Variants in DIP2B observed in about 807,000 individuals in gnomAD.
DIP2B encodes disco-interacting protein 2 homolog B.
In DIP2B, 76 loss-of-function variants were observed where a neutral mutation model predicts 198.0. That is an observed-to-expected ratio of 0.38 (90% CI 0.32 to 0.46). The LOEUF is 0.46. Ranked by LOEUF, DIP2B falls within the 20% of genes least tolerant of loss-of-function variation. The pLI, the probability that DIP2B is intolerant of heterozygous loss-of-function variation, is 0.99. For synonymous variants in DIP2B, 701 were observed against 739.1 expected, an observed-to-expected ratio of 0.95 and a Z score of 0.84; for missense variants, 1,559 against 1,978.4, an observed-to-expected ratio of 0.79 and a Z score of 4.02.
At chr12:50,543,968 G>A (rs1398932476) in intron 1 of DIP2B, among the ~76,000 whole-genome samples, 1 of 142,726 alleles carries the variant, frequency 7.0e-6, no homozygotes, top group Non-Finnish European at 1.5e-5. Flanking sequence ...GGTGGCTCAC[G>A]CTTGTAATTC....
chr12:50,515,039 C>G (rs1339260128), intron 1 of DIP2B, among the ~76,000 whole-genome samples: 1 of 152,092 alleles, frequency 6.6e-6, no homozygotes, highest in Non-Finnish European at 1.5e-5. Flanking sequence ...CTGGCCCTCT[C>G]TCCCTCTCTC....
chr12:50,623,171 C>G (rs1343629573), intron 1 of DIP2B, among the ~76,000 whole-genome samples: 5 of 151,740 alleles, frequency 3.3e-5, no homozygotes, highest in Non-Finnish European at 7.4e-5. Context: ...ATTGCTTGAG[C>G]CCAGGAGTTC....
chr12:50,642,131 A>G (rs2139488371), intron 3 of DIP2B, among the ~76,000 whole-genome samples: 1 of 152,288 alleles, frequency 6.6e-6, no homozygotes, highest in East Asian at 1.9e-4. Context: ...CAGTCGGGAA[A>G]AAAAAAATAG....
rs375356175 is a variant in DIP2B at position 50,721,300 on chromosome 12, C to T, written c.3070C>T (p.Leu1024Phe). The change falls in exon 26 of 38, where the codon CTT (leucine) becomes TTT (phenylalanine). Residue 1024 changes from leucine to phenylalanine, a missense_variant. Physicochemically the swap from Leu to Phe is conservative, Grantham distance 22 (BLOSUM62 0). Transcript: ENST00000301180. Reference sequence around the variant, plus strand: ...AACCACTGTATGCACAGCCAGCTGCCTTCAGCTTCATAAGCGAGCAGAGAG... The same window carrying T: ...AACCACTGTATGCACAGCCAGCTGCTTTCAGCTTCATAAGCGAGCAGAGAG... ...KGTTVCTASCLQLHKRAERIA... is the reference protein window; with the variant it reads ...KGTTVCTASCFQLHKRAERIA... 33 of 1,614,150 alleles carry T rather than the reference C, an allele frequency of 2.0e-5. No individual in the cohort carries two copies. The East Asian group carries it at 3.8e-4, about 19-fold the overall frequency.
At chr12:50,505,639 C>T (rs913409922) in intron 1 of DIP2B, among the ~76,000 whole-genome samples, 27 of 152,104 alleles carry the variant, frequency 1.8e-4, no homozygotes, top group Non-Finnish European at 3.5e-4. Flanking sequence ...GTGGAGGGCT[C>T]CACGCCTTGT....
intron 1 of DIP2B, among the ~76,000 whole-genome samples, chr12:50,521,907 T>C (rs1393091450): frequency 1.3e-5 from 2 of 152,094 alleles, no homozygotes; most frequent in East Asian, 3.8e-4. Flanking sequence ...CCTCCCAGAG[T>C]GTTGAGATTA....
At chr12:50,575,101 T>G (rs780217699) in intron 1 of DIP2B, among the ~76,000 whole-genome samples, 12 of 152,210 alleles carry the variant, frequency 7.9e-5, no homozygotes, top group Non-Finnish European at 1.3e-4. Flanking sequence ...AACTTTCTTT[T>G]CTTTCGACAT....
intron 3 of DIP2B, among the ~76,000 whole-genome samples, chr12:50,650,265 A>G (rs1407127474): frequency 6.6e-6 from 1 of 152,190 alleles, no homozygotes; most frequent in Non-Finnish European, 1.5e-5. Context: ...AATCCAGCCT[A>G]TAGGAAGGCT....
intron 14 of DIP2B, 118 bp downstream of exon 14, chr12:50,693,131 T>A: frequency 1.0e-6 from 1 of 1,001,036 alleles, no homozygotes; most frequent in Non-Finnish European, 1.5e-6. Context: ...AAAAGGTCAG[T>A]AATATTTTCC....
Position 50,574,882 on chromosome 12 carries a change from C to T in DIP2B, c.101-51094C>T, listed in dbSNP as rs965411117. ...TGCAGCCAAGGTTTGTTTATCGGAACGATGGGAATTTGTCCTTAGGCAGTC... is the reference window on the plus strand; with the variant it reads ...TGCAGCCAAGGTTTGTTTATCGGAATGATGGGAATTTGTCCTTAGGCAGTC... On this transcript the variant is annotated intron_variant, in intron 1 of 37. Coordinates refer to ENST00000301180, the MANE Select transcript of DIP2B (RefSeq NM_173602.3). Among the ~76,000 whole-genome samples, 3 of 152,312 alleles carry T rather than the reference C, an allele frequency of 2.0e-5. No individual in the cohort carries two copies. In the South Asian group the frequency reaches 6.2e-4, roughly 32 times the overall value.
At chr12:50,648,918 A>G (rs1938403201) in intron 3 of DIP2B, among the ~76,000 whole-genome samples, 1 of 152,218 alleles carries the variant, frequency 6.6e-6, no homozygotes. Context: ...TTTAGTCAGC[A>G]AGATATAAAG....
At chr12:50,610,805 CTT>C (rs58612726) in intron 1 of DIP2B, among the ~76,000 whole-genome samples, 14 of 138,402 alleles carry the variant, frequency 1.0e-4, no homozygotes, top group Non-Finnish European at 1.4e-4. Flanking sequence ...TGTGCCCAAC[CTT>C]TTTTTTTTTT....
intron 2 of DIP2B, among the ~76,000 whole-genome samples, chr12:50,631,458 C>A (rs1398518141): frequency 6.6e-6 from 1 of 152,084 alleles, no homozygotes; most frequent in Non-Finnish European, 1.5e-5. Flanking sequence ...ATCTCTTGAC[C>A]TCATGATCCA....
chr12:50,706,904 C>A (rs888543969), intron 21 of DIP2B, among the ~76,000 whole-genome samples: 2 of 151,832 alleles, frequency 1.3e-5, no homozygotes, highest in Non-Finnish European at 2.9e-5. Context: ...GCAACTATAT[C>A]CTTTACTTCA....
intron 20 of DIP2B, among the ~76,000 whole-genome samples, chr12:50,704,954 CAAACAAAAAAA>C (rs565245486): frequency 3.3e-5 from 5 of 150,104 alleles, no homozygotes; most frequent in Admixed American, 2.6e-4. Context: ...TTTCAAAAAA[CAAACAAAAAAA>C]AAACAAAAAA....
Position 50,710,700 on chromosome 12 carries a change from T to G in DIP2B, c.2649+2138T>G, listed in dbSNP as rs538003438. On this transcript the variant is annotated intron_variant, in intron 22 of 37. Transcript: ENST00000301180. ...TCGGCCTCCCAGAGTGCTGGGATTATAGATGTGAGCCACGTCACCTGGCTG... is the reference window on the plus strand; with the variant it reads ...TCGGCCTCCCAGAGTGCTGGGATTAGAGATGTGAGCCACGTCACCTGGCTG... Among the ~76,000 whole-genome samples the G allele has an allele frequency of 6.6e-5, 10 of 152,270 alleles. No homozygotes were observed. In the South Asian group the frequency reaches 2.1e-3, roughly 32 times the overall value.
rs367699036 is a variant in DIP2B, at chr12:50,582,145, GTTTTT to G, written c.101-43811_101-43807del. On this transcript the variant is annotated intron_variant, in intron 1 of 37. Coordinates refer to ENST00000301180, the MANE Select transcript of DIP2B (RefSeq NM_173602.3). Reference sequence around the variant, plus strand: ...TAATAGCTTCTTTTTCTTTTTTTCTGTTTTTTTTTTTTTTTTTTTTTTTTGAGTGG... The same window carrying G: ...TAATAGCTTCTTTTTCTTTTTTTCTGTTTTTTTTTTTTTTTTTTTGAGTGG... Among the ~76,000 whole-genome samples the G allele has an allele frequency of 8.2e-3, 634 of 77,518 alleles. 7 individuals are homozygous for G. Among genetic ancestry groups the G allele is most frequent in the East Asian group, 0.015 (43 of 2,784 alleles). 50.9% of individuals were successfully genotyped at this position (77,518 alleles called of 152,430 possible).
At chr12:50,689,468 G>A (rs753056664) in intron 12 of DIP2B, among the ~76,000 whole-genome samples, 2 of 152,226 alleles carry the variant, frequency 1.3e-5, no homozygotes, top group Non-Finnish European at 2.9e-5. Flanking sequence ...GCTTCAGACA[G>A]TAAGGAAATA....
At chr12:50,629,136 C>A (rs953724844) in intron 2 of DIP2B, among the ~76,000 whole-genome samples, 3 of 152,192 alleles carry the variant, frequency 2.0e-5, no homozygotes, top group Admixed American at 2.0e-4. Context: ...CCCGTCTCGG[C>A]CTCCCAAAGT....
Sources: allele counts gnomAD v4.1 joint callset (sites outside exome capture counted in the v4.1 genomes callset), GRCh38; gene constraint gnomAD v4.1.1; transcripts MANE v1.5; gene names NCBI Gene and HGNC (gene_info 2026-07-23, HGNC 2026-07-21).